Variants in UNC79 observed in about 807,000 individuals in gnomAD.
The protein encoded by UNC79 is protein unc-79 homolog.
UNC79 carries 37 observed loss-of-function variants against 283.1 expected under a neutral mutation model. That is an observed-to-expected ratio of 0.13 (90% CI 0.10 to 0.17). The LOEUF (loss-of-function observed/expected upper bound fraction) is 0.17, where lower values mean the gene tolerates loss of function less well. Ranked by LOEUF, UNC79 falls within the 10% of genes least tolerant of loss-of-function variation. The pLI is 1.00. For missense variants in UNC79, 2,272 were observed against 3,211.1 expected, an observed-to-expected ratio of 0.71 and a Z score of 7.07; for synonymous variants, 1,107 against 1,200.2, an observed-to-expected ratio of 0.92 and a Z score of 1.61.
chr14:93,340,602 A>C (rs1314582996), intron 1 of UNC79, among the ~76,000 whole-genome samples: 1 of 147,308 alleles, frequency 6.8e-6, no homozygotes, highest in Non-Finnish European at 1.5e-5. Flanking sequence ...ACAGGGTATC[A>C]CTCTGTTTCC....
At chr14:93,501,959 A>G (rs2059312202) in intron 7 of UNC79, among the ~76,000 whole-genome samples, 1 of 152,242 alleles carries the variant, frequency 6.6e-6, no homozygotes, top group Non-Finnish European at 1.5e-5. Flanking sequence ...ATATATGTGT[A>G]GGAATTATAT....
rs142482778 is a variant in UNC79 at position 93,400,915 on chromosome 14, C to T, written c.-350-66756C>T. The stretch of plus-strand genomic sequence containing the variant: ...GGACTTGAAGCCTGATTAGATGATA[C>T]GGATGAAGCAGATGGGAGAATAAGA... On this transcript the variant is annotated intron_variant, in intron 1 of 49. Coordinates refer to the UNC79 transcript ENST00000256339. Among the ~76,000 whole-genome samples, 85 of 152,142 alleles carry T rather than the reference C, an allele frequency of 5.6e-4. 2 individuals are homozygous for T. The East Asian group carries it at 0.014, about 25-fold the overall frequency.
intron 42 of UNC79, among the ~76,000 whole-genome samples, chr14:93,684,968 A>G (rs1314888286): frequency 6.6e-6 from 1 of 152,198 alleles, no homozygotes; most frequent in Non-Finnish European, 1.5e-5. Flanking sequence ...TAACACACCT[A>G]AGGTTATTCT....
At chr14:93,494,876 G>A (rs971205957) in intron 5 of UNC79, among the ~76,000 whole-genome samples, 25 of 152,152 alleles carry the variant, frequency 1.6e-4, no homozygotes, top group African/African-American at 5.6e-4. Flanking sequence ...AATATCAGGG[G>A]GCTGAGATCT....
chr14:93,539,060 G>T (rs1159963507), intron 12 of UNC79, among the ~76,000 whole-genome samples: 1 of 150,310 alleles, frequency 6.7e-6, no homozygotes. Flanking sequence ...GCACCCCCAC[G>T]CCCGGCTAAT....
At position 93,469,198 on chromosome 14, in the gene UNC79, C is replaced by T. The variant is rs557173922; in HGVS notation, c.143+1407C>T. On this transcript the variant is annotated intron_variant, in intron 2 of 48. Transcript: ENST00000555664. ...AGGAATTTAAAATATTGAAAAGTCA[C>T]GTTTGCAAGACGTAAAGATTCCATT... is the stretch of plus-strand genomic sequence containing the variant. Among the ~76,000 whole-genome samples the T allele has an allele frequency of 2.6e-4, 39 of 152,242 alleles. No individual in the cohort carries two copies. The South Asian group carries it at 4.1e-3, about 16-fold the overall frequency.
chr14:93,582,467 G>A (rs775913182), intron 20 of UNC79, 123 bp downstream of exon 20: 62 of 1,351,296 alleles, frequency 4.6e-5, no homozygotes, highest in Non-Finnish European at 5.7e-5. Flanking sequence ...GTATAGACTC[G>A]TGCAGAGGAA....
intron 22 of UNC79, among the ~76,000 whole-genome samples, chr14:93,588,720 G>A (rs1438343093): frequency 8.5e-6 from 1 of 118,296 alleles, no homozygotes; most frequent in East Asian, 2.7e-4. Context: ...CAGCCTGGGA[G>A]ACAGAGGGAG....
In UNC79 at chr14:93,339,378, C is replaced by A. The variant is rs538848865; in HGVS notation, c.-351+5855C>A. ...GCAGTGGCGTGATCTCGGCTCACTG[C>A]AAGCTCCACCTCCCGGGTTCACGCC... On this transcript the variant is annotated intron_variant, in intron 1 of 49. Coordinates refer to the UNC79 transcript ENST00000256339. Among the ~76,000 whole-genome samples the A allele has an allele frequency of 2.0e-5, 3 of 152,208 alleles. No individual in the cohort carries two copies. The East Asian group carries it at 5.8e-4, about 29-fold the overall frequency.
At chr14:93,504,467 T>G (rs1008650857) in intron 7 of UNC79, among the ~76,000 whole-genome samples, 2 of 152,024 alleles carry the variant, frequency 1.3e-5, no homozygotes, top group Non-Finnish European at 2.9e-5. Context: ...TTCCAATCCA[T>G]GAACATGGTA....
intron 27 of UNC79, among the ~76,000 whole-genome samples, chr14:93,615,142 T>C (rs2066605091): frequency 6.6e-6 from 1 of 152,164 alleles, no homozygotes; most frequent in South Asian, 2.1e-4. Flanking sequence ...TTTCCTTTTT[T>C]GATAGATTAG....
chr14:93,554,959 G>T (rs1043498028), intron 14 of UNC79, among the ~76,000 whole-genome samples: 1 of 152,154 alleles, frequency 6.6e-6, no homozygotes, highest in Non-Finnish European at 1.5e-5. Context: ...TTCCAGTATA[G>T]CTAGGGAGTG....
chr14:93,393,125 G>A (rs574181531), intron 1 of UNC79, among the ~76,000 whole-genome samples: 1 of 152,182 alleles, frequency 6.6e-6, no homozygotes, highest in Admixed American at 6.6e-5. Context: ...GGAAAATGGG[G>A]GATGAATAAT....
chr14:93,592,955 C>T (rs965462945), intron 22 of UNC79, among the ~76,000 whole-genome samples: 2 of 152,096 alleles, frequency 1.3e-5, no homozygotes, highest in Non-Finnish European at 2.9e-5. Flanking sequence ...TTGGCTTCTC[C>T]GTTAAGCACA....
intron 1 of UNC79, among the ~76,000 whole-genome samples, chr14:93,387,717 C>T (rs546808378): frequency 5.3e-5 from 8 of 152,264 alleles, no homozygotes; most frequent in East Asian, 3.9e-4. Flanking sequence ...ATTCTGCAGT[C>T]GTTGCATGAA....
chr14:93,637,377 T>C (rs1047650076), intron 32 of UNC79, 78 bp downstream of exon 35: 1 of 1,576,860 alleles, frequency 6.3e-7, no homozygotes, highest in Non-Finnish European at 8.6e-7. Flanking sequence ...ACCCAGCAGG[T>C]GCAGGCTTTT....
intron 5 of UNC79, among the ~76,000 whole-genome samples, chr14:93,495,455 C>A (rs1310445050): frequency 6.6e-6 from 1 of 152,100 alleles, no homozygotes; most frequent in Non-Finnish European, 1.5e-5. Flanking sequence ...CTTCCTAAAA[C>A]CTGGGGATTA....
intron 1 of UNC79, among the ~76,000 whole-genome samples, chr14:93,370,568 C>T (rs556333021): frequency 2.6e-5 from 4 of 152,104 alleles, no homozygotes; most frequent in Admixed American, 6.5e-5. Context: ...GTCAGGAGAT[C>T]GAGACCATCC....
In UNC79 at chr14:93,421,388, C is replaced by G. The variant is rs150002329; in HGVS notation, c.-350-46283C>G. 2.7e-3 allele frequency among the ~76,000 whole-genome samples: 411 copies of G among 151,654 alleles called. 2 individuals are homozygous for G. Among genetic ancestry groups the G allele is most frequent in the African/African-American group, 9.4e-3 (389 of 41,486 alleles). On this transcript the variant is annotated intron_variant, in intron 1 of 49. Coordinates refer to the UNC79 transcript ENST00000256339. The stretch of plus-strand genomic sequence containing the variant: ...TGGATAAATTCCTAGACACATGCAA[C>G]CTACTAAAATTGAACCATGAATAAA...
Sources: gnomAD v4.1 joint callset for allele counts (sites outside exome capture counted in the v4.1 genomes callset) on GRCh38, gnomAD v4.1.1 for gene constraint, MANE v1.5 for transcripts, NCBI Gene and HGNC (gene_info 2026-07-23, HGNC 2026-07-21) for gene names.